The following LAMC1 variants were observed in gnomAD, a reference collection of about 807,000 sequenced individuals.
The protein encoded by LAMC1 is laminin subunit gamma-1.
LAMC1 carries 38 observed loss-of-function variants against 173.6 expected under a neutral mutation model. That is an observed-to-expected ratio of 0.22 (90% confidence interval 0.17 to 0.29). LAMC1 has a LOEUF of 0.29. Ranked by LOEUF, LAMC1 falls within the 10% of genes least tolerant of loss-of-function variation. The probability of loss-of-function intolerance (pLI) is 1.00; values close to 1 mark genes in which losing one functional copy is unlikely to be tolerated. For missense variants in LAMC1, 1,824 were observed against 2,051.8 expected (o/e 0.89, Z 2.14); for synonymous variants, 746 against 749.1 (o/e 1.00, Z 0.07).
chr1:183,119,433 G>C (rs1183602039), intron 11 of LAMC1, among the ~76,000 whole-genome samples: 1 of 152,102 alleles, frequency 6.6e-6, no homozygotes, highest in Non-Finnish European at 1.5e-5. Context: ...GATTTAGAAG[G>C]TTGTCAACAT....
At chr1:183,074,004 A>T (rs1558039586) in intron 1 of LAMC1, among the ~76,000 whole-genome samples, 1 of 152,318 alleles carries the variant, frequency 6.6e-6, no homozygotes, top group East Asian at 1.9e-4. Context: ...GGATTTACAC[A>T]TGTTGACCTA....
intron 1 of LAMC1, among the ~76,000 whole-genome samples, chr1:183,049,971 T>C (rs758883255): frequency 1.7e-4 from 26 of 152,222 alleles, no homozygotes; most frequent in Non-Finnish European, 3.1e-4. Flanking sequence ...TTTCCGTGCA[T>C]TATTTTTTTC....
intron 1 of LAMC1, among the ~76,000 whole-genome samples, chr1:183,099,453 T>C (rs1207375923): frequency 6.6e-6 from 1 of 152,186 alleles, no homozygotes; most frequent in East Asian, 1.9e-4. Context: ...CTGTGACCTC[T>C]GTGGCTTGAA....
At chr1:183,131,657 T>C (rs1398720772) in intron 20 of LAMC1, among the ~76,000 whole-genome samples, 2 of 152,226 alleles carry the variant, frequency 1.3e-5, no homozygotes, top group Non-Finnish European at 2.9e-5. Flanking sequence ...ATAATATTTT[T>C]AGATTTTTAA....
Position 183,121,778 on chromosome 1 carries a change from C to G in LAMC1, c.2046C>G (p.Val682=). 1.2e-6 allele frequency: 2 copies of G among 1,614,144 alleles called. No homozygotes were observed. The highest frequency in any genetic ancestry group is 2.7e-5 in the African/African-American group (2 of 75,016). Residue 682 remains valine (V), a synonymous_variant, in exon 12 of 28, where the codon GTC becomes GTG. Transcript: ENST00000258341. ...CAAGTGCTCGTCCTGGGCCTGGAGT[C>G]CCTGCAACTTGGGTGGAGTCCTGCA... ...TLASARPGPG[V]PATWVESCTC...
intron 1 of LAMC1, among the ~76,000 whole-genome samples, chr1:183,062,536 C>T (rs564551411): frequency 6.9e-4 from 105 of 152,312 alleles, no homozygotes; most frequent in African/African-American, 1.7e-3. Context: ...CCTGTAGTCT[C>T]AGCTACTCGG....
rs770967430 is a variant in LAMC1, at chr1:183,103,480, C to A, written c.571C>A (p.Arg191Ser). The A allele has an allele frequency of 2.5e-6, 4 of 1,614,140 alleles. No homozygotes were observed. Among genetic ancestry groups the A allele is most frequent in the Non-Finnish European group, 2.5e-6 (3 of 1,180,024 alleles). Residue 191 changes from arginine (R) to serine (S), a missense_variant, in exon 2 of 28, where the codon CGC becomes AGC. Arg to Ser is a moderately radical substitution (Grantham distance 110). Transcript: ENST00000258341. ...SCENTYSKANRGFIRTGGDEQ... is the reference protein window; with the variant it reads ...SCENTYSKANSGFIRTGGDEQ... ...TGAGAACACCTACTCCAAGGCAAAC[C>A]GCGGCTTCATCAGGACAGGAGGGGA...
chr1:183,048,526 T>C (rs1239172339), intron 1 of LAMC1, among the ~76,000 whole-genome samples: 1 of 152,236 alleles, frequency 6.6e-6, no homozygotes, highest in Non-Finnish European at 1.5e-5. Context: ...TACAAATGTC[T>C]GATAGCTTTG....
chr1:183,094,369 T>G (rs913925007), intron 1 of LAMC1, among the ~76,000 whole-genome samples: 1 of 152,254 alleles, frequency 6.6e-6, no homozygotes, highest in Non-Finnish European at 1.5e-5. Context: ...CCACAAACTT[T>G]CTATTCCCAC....
chr1:183,140,801 A>G (rs1238761269), intron 27 of LAMC1: 6 of 184,882 alleles, frequency 3.2e-5, no homozygotes, highest in Non-Finnish European at 5.5e-5. Context: ...TTAATGTGAC[A>G]AGTACTTACT....
chr1:183,026,678 G>A (rs1653695989), intron 1 of LAMC1, among the ~76,000 whole-genome samples: 1 of 152,198 alleles, frequency 6.6e-6, no homozygotes. Flanking sequence ...CTATTACAGA[G>A]CATGTGAAGC....
At chr1:183,040,896 G>T (rs1654113229) in intron 1 of LAMC1, among the ~76,000 whole-genome samples, 1 of 152,206 alleles carries the variant, frequency 6.6e-6, no homozygotes, top group Non-Finnish European at 1.5e-5. Flanking sequence ...GACAAAACAT[G>T]AAGTGCCGTG....
intron 1 of LAMC1, among the ~76,000 whole-genome samples, chr1:183,038,433 A>G (rs985524893): frequency 3.3e-5 from 5 of 152,192 alleles, no homozygotes; most frequent in African/African-American, 1.2e-4. Context: ...AAATGTCCTC[A>G]GTGTCCTCCC....
chr1:183,139,476 T>G (rs2027085), intron 26 of LAMC1, among the ~76,000 whole-genome samples: 80,764 of 152,026 alleles, frequency 0.53, 21,939 homozygotes, highest in South Asian at 0.65. Context: ...CCTTTTACAC[T>G]CGCAGACAAG....
At chr1:183,026,967 T>C (rs1203793909) in intron 1 of LAMC1, among the ~76,000 whole-genome samples, 1 of 152,208 alleles carries the variant, frequency 6.6e-6, no homozygotes, top group Admixed American at 6.5e-5. Context: ...TTTCTTACAT[T>C]AATATGACCC....
intron 2 of LAMC1, 85 bp from the exon 3 acceptor site, chr1:183,108,191 T>G (rs909546243): frequency 2.4e-6 from 3 of 1,257,652 alleles, no homozygotes; most frequent in Non-Finnish European, 3.4e-6. Flanking sequence ...GATAATAAGT[T>G]AGTGATTTAG....
Position 183,127,366 on chromosome 1 carries a change from C to G in LAMC1, c.3085C>G (p.Gln1029Glu). The part of the protein sequence containing the change: ...YFYNRSWPGC[Q>E]ECPACYRLVK... Reference sequence around the variant, plus strand: ...CTACAATCGGTCTTGGCCTGGCTGCCAGGAATGTCCAGCTTGTTACCGGCT... The same window carrying G: ...CTACAATCGGTCTTGGCCTGGCTGCGAGGAATGTCCAGCTTGTTACCGGCT... The change falls in exon 17 of 28, where the codon CAG (glutamine) becomes GAG (glutamate). Residue 1029 changes from glutamine to glutamate, a missense_variant. By Grantham distance (29) the Gln-to-Glu change is conservative (BLOSUM62 2). Transcript: ENST00000258341. 6.2e-7 allele frequency: 1 copy of G among 1,614,056 alleles called. No individual in the cohort carries two copies. The highest frequency in any genetic ancestry group is 8.5e-7 in the Non-Finnish European group (1 of 1,179,994).
intron 1 of LAMC1, among the ~76,000 whole-genome samples, chr1:183,044,357 A>G (rs1426509716): frequency 2.6e-5 from 4 of 152,014 alleles, no homozygotes; most frequent in African/African-American, 7.2e-5. Flanking sequence ...TGTATCACTC[A>G]TTGGTCACTT....
At position 183,115,602 on chromosome 1, in the gene LAMC1, G is replaced by A. The variant is rs936382499; in HGVS notation, c.1293G>A (p.Gln431=). ...TGGGGGACAAATGTGACCGTTGCCA[G>A]CCTGGATTCCATTCTCTCACTGAAG... The part of the protein sequence containing the change: ...GVMGDKCDRC[Q]PGFHSLTEAG... Residue 431 remains glutamine (Q), a synonymous_variant, in exon 6 of 28, where the codon CAG becomes CAA. Coordinates refer to ENST00000258341, the MANE Select transcript of LAMC1 (RefSeq NM_002293.4). 3 of 1,613,796 alleles carry A rather than the reference G, an allele frequency of 1.9e-6. No homozygotes were observed. In the African/African-American group the frequency reaches 4.0e-5, roughly 22 times the overall value.
Sources: gnomAD v4.1 joint callset for allele counts (sites outside exome capture counted in the v4.1 genomes callset) on GRCh38, gnomAD v4.1.1 for gene constraint, MANE v1.5 for transcripts, NCBI Gene and HGNC (gene_info 2026-07-23, HGNC 2026-07-21) for gene names.